The following MSTO1 variants were observed in gnomAD, a reference collection of about 807,000 sequenced individuals.
MSTO1 encodes misato mitochondrial distribution and morphology regulator 1, also known as protein misato homolog 1.
A neutral mutation model predicts 55.7 loss-of-function variants in MSTO1; 24 were observed. That is an observed-to-expected ratio of 0.43 (90% CI 0.31 to 0.61). The LOEUF (loss-of-function observed/expected upper bound fraction) is 0.61, where lower values mean the gene tolerates loss of function less well. Among genes scored for constraint, MSTO1 ranks in the 20% least tolerant of loss-of-function variants. MSTO1 has a pLI of 0.09. For synonymous variants in MSTO1, 162 were observed against 252.8 expected (o/e 0.64, Z 3.41); for missense variants, 363 against 625.7 (o/e 0.58, Z 4.48).
upstream of MSTO1, among the ~76,000 whole-genome samples, chr1:155,608,721 C>A (rs957651532): frequency 1.3e-5 from 2 of 151,860 alleles, no homozygotes; most frequent in African/African-American, 4.8e-5. Context: ...CCAGGATGGT[C>A]TCGATCTCCT....
At chr1:155,588,940 C>T in the MSTO1 span, among the ~76,000 whole-genome samples, 2 of 152,158 alleles carry the variant, frequency 1.3e-5, no homozygotes, top group Admixed American at 1.3e-4. Context: ...TAAAATGAAA[C>T]GAAAGCAAGG....
chr1:155,582,550 C>T, the MSTO1 span, among the ~76,000 whole-genome samples: 1 of 152,070 alleles, frequency 6.6e-6, no homozygotes, highest in Non-Finnish European at 1.5e-5. Context: ...GCCTCTGCCT[C>T]CCGGGTTCAA....
At chr1:155,580,663 A>G in the MSTO1 span, among the ~76,000 whole-genome samples, 1 of 152,116 alleles carries the variant, frequency 6.6e-6, no homozygotes, top group Non-Finnish European at 1.5e-5. Flanking sequence ...TCACGCCTGT[A>G]ATCCCAGCAC....
the MSTO1 span, among the ~76,000 whole-genome samples, chr1:155,577,263 T>C: frequency 6.6e-6 from 1 of 150,860 alleles, no homozygotes; most frequent in Non-Finnish European, 1.5e-5. Flanking sequence ...TAATTTTTTG[T>C]ATTTTTAGTA....
intron 9 of MSTO1, 111 bp from the exon 10 acceptor site, chr1:155,612,733 G>A: frequency 1.4e-6 from 2 of 1,463,070 alleles, no homozygotes; most frequent in South Asian, 2.6e-5. Context: ...CCAGCCTGGG[G>A]TCAAACATAC....
the MSTO1 span, among the ~76,000 whole-genome samples, chr1:155,568,523 C>T: frequency 6.6e-6 from 1 of 151,708 alleles, no homozygotes; most frequent in Non-Finnish European, 1.5e-5. Context: ...ACTGCAACTT[C>T]CGCCTCCCGG....
upstream of MSTO1, among the ~76,000 whole-genome samples, chr1:155,608,379 C>A (rs1354793162): frequency 6.6e-6 from 1 of 152,140 alleles, no homozygotes; most frequent in Non-Finnish European, 1.5e-5. Flanking sequence ...ACTACATTGT[C>A]CAGTCTACCC....
chr1:155,590,821 T>C, the MSTO1 span: 14 of 1,607,552 alleles, frequency 8.7e-6, no homozygotes, highest in Non-Finnish European at 1.2e-5. Context: ...CAGGGGGTTA[T>C]AGAAGTCCCA....
chr1:155,589,948 T>A, the MSTO1 span, among the ~76,000 whole-genome samples: 1 of 151,880 alleles, frequency 6.6e-6, no homozygotes, highest in Non-Finnish European at 1.5e-5. Context: ...ACACTTAATT[T>A]TTTTTTTTTT....
the MSTO1 span, among the ~76,000 whole-genome samples, chr1:155,582,048 T>C: frequency 6.6e-6 from 1 of 150,976 alleles, no homozygotes; most frequent in Non-Finnish European, 1.5e-5. Context: ...CTCCACCTCC[T>C]GAGTTCAATC....
the MSTO1 span, among the ~76,000 whole-genome samples, chr1:155,572,056 A>G: frequency 2.0e-5 from 3 of 152,056 alleles, no homozygotes; most frequent in Non-Finnish European, 2.9e-5. Context: ...AAAAAAAAAA[A>G]AAAGAAATTA....
the MSTO1 span, among the ~76,000 whole-genome samples, chr1:155,569,460 CAG>C: frequency 9.3e-6 from 1 of 107,538 alleles, no homozygotes; most frequent in Non-Finnish European, 1.8e-5. Flanking sequence ...TTTTTTGAGA[CAG>C]ATTCTCGCAC....
At chr1:155,568,043 A>C in the MSTO1 span, among the ~76,000 whole-genome samples, 1 of 146,870 alleles carries the variant, frequency 6.8e-6, no homozygotes, top group Admixed American at 7.0e-5. Context: ...TGTCTGAACA[A>C]AAAAAAAAAT....
chr1:155,567,090 G>A, the MSTO1 span, among the ~76,000 whole-genome samples: 1 of 151,764 alleles, frequency 6.6e-6, no homozygotes, highest in African/African-American at 2.4e-5. Flanking sequence ...CTTTACATTT[G>A]ACGAGTTATG....
chr1:155,565,612 T>A, the MSTO1 span, among the ~76,000 whole-genome samples: 1 of 152,152 alleles, frequency 6.6e-6, no homozygotes, highest in South Asian at 2.1e-4. Context: ...ATTGCTGTGC[T>A]TCAAAGAAAA....
At chr1:155,587,877 A>G in the MSTO1 span, among the ~76,000 whole-genome samples, 1 of 152,054 alleles carries the variant, frequency 6.6e-6, no homozygotes, top group Admixed American at 6.6e-5. Flanking sequence ...AGTTGAATTA[A>G]TGATAATTCT....
chr1:155,591,360 C>T, the MSTO1 span: 1 of 920,992 alleles, frequency 1.1e-6, no homozygotes, highest in South Asian at 1.7e-5. Context: ...TCTAGATTGG[C>T]CCACAAATGC....
At chr1:155,609,278 C>T (rs570740238), upstream of MSTO1, among the ~76,000 whole-genome samples, 2,250 of 106,766 alleles carry the variant, frequency 0.021, 92 homozygotes, top group African/African-American at 0.076. Context: ...CAGAGTCTCG[C>T]TCTGTCGCCC....
At position 155,614,432 on chromosome 1, in the gene MSTO1, A is replaced by G; in HGVS notation, c.*159A>G. 1 of 593,624 alleles carries G rather than the reference A, an allele frequency of 1.7e-6. No individual in the cohort carries two copies. The highest frequency in any genetic ancestry group is 3.0e-6 in the Non-Finnish European group (1 of 332,018). The allele number at this position is 593,624 out of a possible 1,614,324, so 36.8% of individuals were successfully genotyped here. A position where few individuals can be genotyped will look rare whatever the true frequency, so the allele number is the denominator to read the frequency against. On this transcript the variant is annotated 3_prime_UTR_variant, in exon 14 of 14. Transcript: ENST00000245564. ...CACTGTGATTAGACCACAGAACAAT[A>G]AATATGTGCCATCAGACCAAAAAAA...
Sources: gnomAD v4.1 joint callset for allele counts (sites outside exome capture counted in the v4.1 genomes callset) on GRCh38, gnomAD v4.1.1 for gene constraint, MANE v1.5 for transcripts, NCBI Gene and HGNC (gene_info 2026-07-23, HGNC 2026-07-21) for gene names.